The following REDIC1 variants were observed in gnomAD, a reference collection of about 807,000 sequenced individuals.
REDIC1 encodes HEI10 Interacting Protein 1.
the REDIC1 span, among the ~76,000 whole-genome samples, chr12:39,859,040 C>CA: frequency 1.6e-4 from 24 of 152,030 alleles, no homozygotes; most frequent in South Asian, 6.2e-4. Flanking sequence ...GTAGTGAATA[C>CA]AAAATGAATT....
At chr12:39,771,186 CTA>C in the REDIC1 span, among the ~76,000 whole-genome samples, 1 of 152,122 alleles carries the variant, frequency 6.6e-6, no homozygotes, top group Non-Finnish European at 1.5e-5. Context: ...GAGAGAGACT[CTA>C]GAGTAACCCT....
At chr12:39,682,577 T>G in the REDIC1 span, 1 of 1,457,768 alleles carries the variant, frequency 6.9e-7, no homozygotes. Context: ...AATCCATGCT[T>G]TTCTTGCTAA....
chr12:39,739,874 A>G, the REDIC1 span, among the ~76,000 whole-genome samples: 2 of 152,220 alleles, frequency 1.3e-5, no homozygotes, highest in South Asian at 4.1e-4. Flanking sequence ...ATGTTGTGCC[A>G]ATTCTCAGCC....
chr12:39,637,898 A>T, the REDIC1 span, among the ~76,000 whole-genome samples: 1 of 152,096 alleles, frequency 6.6e-6, no homozygotes, highest in Admixed American at 6.6e-5. Context: ...GAGTACATAT[A>T]TCCTGACATA....
chr12:39,864,049 G>A, the REDIC1 span, among the ~76,000 whole-genome samples: 1 of 152,176 alleles, frequency 6.6e-6, no homozygotes, highest in Non-Finnish European at 1.5e-5. Flanking sequence ...GGTGGCTAAA[G>A]TCCAGTTTAA....
the REDIC1 span, among the ~76,000 whole-genome samples, chr12:39,761,361 G>C: frequency 2.0e-5 from 3 of 152,026 alleles, no homozygotes; most frequent in Admixed American, 1.3e-4. Context: ...ATGGTTGAGA[G>C]AGAGACTTGA....
the REDIC1 span, among the ~76,000 whole-genome samples, chr12:39,889,839 C>A: frequency 1.3e-5 from 2 of 152,042 alleles, no homozygotes; most frequent in Non-Finnish European, 2.9e-5. Flanking sequence ...CATAAACAAC[C>A]TTTTAAAGGC....
At chr12:39,644,407 C>T in the REDIC1 span, among the ~76,000 whole-genome samples, 8 of 151,716 alleles carry the variant, frequency 5.3e-5, no homozygotes, top group African/African-American at 1.7e-4. Context: ...AAATAAAGTC[C>T]ATTTTGTCAT....
the REDIC1 span, among the ~76,000 whole-genome samples, chr12:39,696,246 T>G: frequency 7.9e-5 from 12 of 151,488 alleles, no homozygotes; most frequent in Non-Finnish European, 1.3e-4. Context: ...CCAGATGAAC[T>G]AAATAACGCA....
the REDIC1 span, among the ~76,000 whole-genome samples, chr12:39,774,985 T>G: frequency 1.3e-5 from 2 of 152,184 alleles, no homozygotes; most frequent in Non-Finnish European, 2.9e-5. Flanking sequence ...AATTTCCTTT[T>G]GGAAAGAAAT....
chr12:39,741,968 G>T, the REDIC1 span, among the ~76,000 whole-genome samples: 3 of 152,136 alleles, frequency 2.0e-5, no homozygotes, highest in Admixed American at 6.5e-5. Context: ...TTGTAATTTG[G>T]CATCTTATTG....
At chr12:39,776,468 A>G in the REDIC1 span, among the ~76,000 whole-genome samples, 1 of 152,244 alleles carries the variant, frequency 6.6e-6, no homozygotes, top group African/African-American at 2.4e-5. Flanking sequence ...GCTGTATACC[A>G]GAGAATGATG....
At chr12:39,714,301 A>G in the REDIC1 span, among the ~76,000 whole-genome samples, 5 of 149,138 alleles carry the variant, frequency 3.4e-5, no homozygotes, top group African/African-American at 9.9e-5. Flanking sequence ...GCATGCATAT[A>G]TGTATATACG....
chr12:39,633,752 CTGT>C, the REDIC1 span, among the ~76,000 whole-genome samples: 1 of 152,144 alleles, frequency 6.6e-6, no homozygotes, highest in African/African-American at 2.4e-5. Flanking sequence ...TATGGGACCA[CTGT>C]TGTATAAGTG....
At chr12:39,873,898 TC>T in the REDIC1 span, among the ~76,000 whole-genome samples, 3 of 152,202 alleles carry the variant, frequency 2.0e-5, no homozygotes, top group African/African-American at 7.2e-5. Flanking sequence ...GTGTCTTCTG[TC>T]CAGGTTAGGT....
chr12:39,695,659 C>T, the REDIC1 span, among the ~76,000 whole-genome samples: 6 of 152,170 alleles, frequency 3.9e-5, no homozygotes, highest in African/African-American at 1.4e-4. Flanking sequence ...TCTGGATCCA[C>T]CTGGGGCCTG....
the REDIC1 span, among the ~76,000 whole-genome samples, chr12:39,824,338 T>A: frequency 6.6e-6 from 1 of 152,326 alleles, no homozygotes; most frequent in South Asian, 2.1e-4. Flanking sequence ...CAGCAGTTTA[T>A]TCTAGCAGCG....
At chr12:39,877,003 T>C in the REDIC1 span, among the ~76,000 whole-genome samples, 19 of 152,298 alleles carry the variant, frequency 1.2e-4, no homozygotes, top group East Asian at 2.1e-3. Context: ...GTGCTATAAA[T>C]ATATATATTT....
chr12:39,643,638 GTATT>G, the REDIC1 span: 12 of 597,878 alleles, frequency 2.0e-5, no homozygotes, highest in South Asian at 3.0e-4. Context: ...TAATTGTAAT[GTATT>G]TATAAACATA....
Sources: allele counts gnomAD v4.1 joint callset (sites outside exome capture counted in the v4.1 genomes callset), GRCh38; gene constraint gnomAD v4.1.1; transcripts MANE v1.5; gene names NCBI Gene and HGNC (gene_info 2026-07-23, HGNC 2026-07-21).